Variants in HCLS1 observed in about 807,000 individuals in gnomAD.
HCLS1 encodes the protein hematopoietic cell-specific Lyn substrate 1, also known as hematopoietic lineage cell-specific protein.
A neutral mutation model predicts 68.6 loss-of-function variants in HCLS1; 44 were observed. The observed-to-expected ratio is 0.64, with a 90% CI of 0.50 to 0.82. The LOEUF (loss-of-function observed/expected upper bound fraction) is 0.82. HCLS1 is among the 40% of genes least tolerant of loss of function. The pLI, the probability that HCLS1 is intolerant of heterozygous loss-of-function variation, is 0.00. For synonymous variants in HCLS1, 217 were observed against 225.8 expected, an observed-to-expected ratio of 0.96 and a Z score of 0.35; for missense variants, 602 against 612.1, an observed-to-expected ratio of 0.98 and a Z score of 0.17.
chr3:121,635,825 T>C (rs766704248), intron 8 of HCLS1, 21 bp from the exon 9 acceptor site: 1 of 1,611,094 alleles, frequency 6.2e-7, no homozygotes, highest in Non-Finnish European at 8.5e-7. Context: ...GAGAACAGCA[T>C]GTGTGTTGCG....
chr3:121,648,923 G>A (rs1319462490), intron 3 of HCLS1, among the ~76,000 whole-genome samples: 3 of 152,108 alleles, frequency 2.0e-5, no homozygotes, highest in African/African-American at 7.2e-5. Flanking sequence ...ACATGTAAAT[G>A]CCTGCCCAAT....
rs1383547412 is a variant in HCLS1 at position 121,633,089 on chromosome 3, G to A, written c.986C>T (p.Pro329Leu). Residue 329 changes from proline (P) to leucine (L), a missense_variant, in exon 11 of 14, where the codon CCC (proline) becomes CTC (leucine). Pro to Leu is a moderately conservative substitution (Grantham distance 98). Coordinates refer to ENST00000314583, the MANE Select transcript of HCLS1 (RefSeq NM_005335.6). ...TACCTCCGGGAGAGTCTGCCTAATG[G>A]GCAGCAAGGGCACTGGGTGTTCCCT... ...TSREHPVPLL[P>L]IRQTLPEDNE... 2 of 1,612,270 alleles carry A rather than the reference G, an allele frequency of 1.2e-6. No individual in the cohort carries two copies. The highest frequency in any genetic ancestry group is 2.7e-5 in the African/African-American group (2 of 74,876).
rs541236419 is a variant in HCLS1, at chr3:121,635,814, G to C, written c.622-10C>G. ...TGAAGCCGACAGCGCTCTGCAGGCA[G>C]GAGAACAGCATGTGTGTTGCGGGAG... On this transcript the variant is annotated splice_polypyrimidine_tract_variant and intron_variant, in intron 8 of 13. Coordinates refer to ENST00000314583, the MANE Select transcript of HCLS1 (RefSeq NM_005335.6). The C allele has an allele frequency of 7.4e-5, 120 of 1,613,388 alleles. 2 individuals carry two copies. The South Asian group carries it at 1.2e-3, about 17-fold the overall frequency.
chr3:121,657,105 T>C, intron 3 of HCLS1, 174 bp downstream of exon 3: 3 of 570,200 alleles, frequency 5.3e-6, no homozygotes, highest in Non-Finnish European at 9.5e-6. Flanking sequence ...AATGGAAATA[T>C]GCAATGACAC....
At chr3:121,639,017 A>ACACACG (rs1161229425) in intron 6 of HCLS1, among the ~76,000 whole-genome samples, 32 of 126,196 alleles carry the variant, frequency 2.5e-4, no homozygotes, top group Admixed American at 1.1e-3. Context: ...TCCAACACAC[A>ACACACG]CACACACGCA....
chr3:121,641,892 T>C (rs2049202977), intron 6 of HCLS1, among the ~76,000 whole-genome samples: 3 of 151,354 alleles, frequency 2.0e-5, no homozygotes, highest in Admixed American at 2.0e-4. Context: ...CCATCCTGGC[T>C]AACATGGTGA....
Position 121,632,446 on chromosome 3 carries a change from T to TCTCAGGCTCAGG in HCLS1, c.1125_1126insCCTGAGCCTGAG (p.Pro372_Glu375dup), listed in dbSNP as rs778252095. 1.6e-5 allele frequency: 21 copies of TCTCAGGCTCAGG among 1,335,872 alleles called. No homozygotes were observed. In the Middle Eastern group the frequency reaches 5.9e-4, roughly 38 times the overall value. The allele number at this position is 1,335,872 out of a possible 1,614,324, so 82.8% of individuals were successfully genotyped here. On this transcript the variant is annotated inframe_insertion, in exon 12 of 14. Coordinates refer to ENST00000314583, the MANE Select transcript of HCLS1 (RefSeq NM_005335.6). ...ATCTCCTCAACGTCCTCATAGTCAT[T>TCTCAGGCTCAGG]CTCAGGCTCGGGCTCAGGCTCGGGC...
chr3:121,657,184 A>C, intron 3 of HCLS1, 95 bp downstream of exon 3: 3 of 970,060 alleles, frequency 3.1e-6, no homozygotes, highest in Non-Finnish European at 4.9e-6. Context: ...GAACTACCCT[A>C]TCCTTTTCCT....
chr3:121,643,146 A>G, intron 5 of HCLS1, 165 bp from the exon 6 acceptor site: 3 of 589,806 alleles, frequency 5.1e-6, no homozygotes, highest in South Asian at 1.9e-5. Context: ...AGGATACTAC[A>G]GAGCAATGAA....
At chr3:121,653,591 A>G (rs1258188434) in intron 3 of HCLS1, 1 of 152,242 alleles carries the variant, frequency 6.6e-6, no homozygotes, top group African/African-American at 2.4e-5. Flanking sequence ...AGCGCTGGAA[A>G]TCAAGATAGG....
chr3:121,635,905 C>G, intron 8 of HCLS1, 101 bp from the exon 9 acceptor site: 1 of 859,490 alleles, frequency 1.2e-6, no homozygotes, highest in Non-Finnish European at 2.0e-6. Context: ...AGAGGTATCC[C>G]TAACCATTGG....
Position 121,637,922 on chromosome 3 carries a change from C to A in HCLS1, c.455-666G>T, listed in dbSNP as rs184922984. 8.2e-4 allele frequency among the ~76,000 whole-genome samples: 122 copies of A among 148,130 alleles called. 1 individual carries two copies. The South Asian group carries it at 0.025, about 30-fold the overall frequency. ...TTGCACTCCAGCCTGGGTGACAGAG[C>A]GAGACTCCATCTCAAAAAAAAAAAA... On this transcript the variant is annotated intron_variant, in intron 6 of 13. Coordinates refer to ENST00000314583, the MANE Select transcript of HCLS1 (RefSeq NM_005335.6).
chr3:121,647,439 C>G lies in HCLS1; in HGVS notation c.168G>C (p.Gln56His). ...SGRTEHINIH[Q>H]LRNKVSEEHD... The stretch of plus-strand genomic sequence containing the variant: ...GCTCCTCTGATACTTTGTTCCTCAG[C>G]TGGTGGATGCTGGAAGAAACCACAT... Residue 56 changes from glutamine (Q) to histidine (H), a missense_variant, in exon 4 of 14, where the codon CAG (glutamine) becomes CAC (histidine). By Grantham distance (24) the Gln-to-His change is conservative. Coordinates refer to ENST00000314583, the MANE Select transcript of HCLS1 (RefSeq NM_005335.6). The G allele has an allele frequency of 6.2e-7, 1 of 1,614,104 alleles. No homozygotes were observed. Among genetic ancestry groups the G allele is most frequent in the Non-Finnish European group, 8.5e-7 (1 of 1,179,994 alleles).
At chr3:121,655,166 C>G (rs1270250347) in intron 3 of HCLS1, among the ~76,000 whole-genome samples, 8 of 152,158 alleles carry the variant, frequency 5.3e-5, no homozygotes, top group Admixed American at 5.2e-4. Flanking sequence ...TTGTACCACT[C>G]CAGGCAGCAC....
rs1308705689 is a variant in HCLS1 at position 121,637,207 on chromosome 3, C to A, written c.504G>T (p.Trp168Cys). ...GGRYGVEKDK[W>C]DKAALGYDYK... ...AGTCATATCCCAGAGCTGCTTTGTCCCATTTATCCTTCTCCACCCCGTACC... is the reference window on the plus strand; with the variant it reads ...AGTCATATCCCAGAGCTGCTTTGTCACATTTATCCTTCTCCACCCCGTACC... Residue 168 changes from tryptophan (W) to cysteine (C), a missense_variant, in exon 7 of 14, where the codon TGG (tryptophan) becomes TGT (cysteine). By Grantham distance (215) the Trp-to-Cys change is radical. Coordinates refer to ENST00000314583, the MANE Select transcript of HCLS1 (RefSeq NM_005335.6). 2 of 1,613,950 alleles carry A rather than the reference C, an allele frequency of 1.2e-6. No individual in the cohort carries two copies. The highest frequency in any genetic ancestry group is 1.3e-5 in the African/African-American group (1 of 74,892).
In HCLS1 at chr3:121,634,277, G is replaced by A; in HGVS notation, c.833C>T (p.Ala278Val). 11 of 1,614,158 alleles carry A rather than the reference G, an allele frequency of 6.8e-6. No individual in the cohort carries two copies. Among genetic ancestry groups the A allele is most frequent in the Non-Finnish European group, 9.3e-6 (11 of 1,180,042 alleles). Residue 278 changes from alanine to valine, a missense_variant, in exon 10 of 14, where the codon GCT becomes GTT. Transcript: ENST00000314583. ...RKAVTKRSPE[A>V]PQPVIAMEEP... is the part of the protein sequence containing the mutation. ...TTCCATAGCTATCACTGGCTGTGGA[G>A]CCTCAGGGCTCCTCTTTGTCACAGC... is the stretch of plus-strand genomic sequence containing the variant.
Position 121,634,054 on chromosome 3 carries a change from C to T in HCLS1, c.903+153G>A, listed in dbSNP as rs111618238. ...AACATTCTGATAGGAGGTCCAATTA[C>T]AGTCAGACTGAAGTCTTCTAAAGAC... On this transcript the variant is annotated intron_variant, in intron 10 of 13. Transcript: ENST00000314583. 9.9e-5 allele frequency among the ~76,000 whole-genome samples: 15 copies of T among 152,230 alleles called. 1 individual carries two copies. Among genetic ancestry groups the T allele is most frequent in the South Asian group, 4.1e-4 (2 of 4,826 alleles).
At position 121,631,740 on chromosome 3, in the gene HCLS1, C is replaced by T. The variant is rs2049099079; in HGVS notation, c.*106G>A. ...AATGAAGCAGGAGAGGGAAGTCTGT[C>T]CAGAACCTCATCTGGTTAGACATTT... On this transcript the variant is annotated 3_prime_UTR_variant, in exon 14 of 14. Transcript: ENST00000314583. 4 of 1,298,634 alleles carry T rather than the reference C, an allele frequency of 3.1e-6. 1 individual carries two copies. The South Asian group carries it at 4.1e-5, about 13-fold the overall frequency. The allele number at this position is 1,298,634 out of a possible 1,614,324, so 80.4% of individuals were successfully genotyped here.
At chr3:121,637,924 A>G (rs1335199702) in intron 6 of HCLS1, among the ~76,000 whole-genome samples, 1 of 151,670 alleles carries the variant, frequency 6.6e-6, no homozygotes, top group African/African-American at 2.4e-5. Flanking sequence ...TGACAGAGCG[A>G]GACTCCATCT....
Sources: gnomAD v4.1 joint callset for allele counts (sites outside exome capture counted in the v4.1 genomes callset) on GRCh38, gnomAD v4.1.1 for gene constraint, MANE v1.5 for transcripts, NCBI Gene and HGNC (gene_info 2026-07-23, HGNC 2026-07-21) for gene names.